Variants in WWC1 observed in about 807,000 individuals in gnomAD.
WWC1 encodes the protein WW and C2 domain containing 1.
In WWC1, 55 loss-of-function variants were observed where a neutral mutation model predicts 138.4. The ratio of observed to expected loss-of-function variants is 0.40; its 90% CI spans 0.32 to 0.50. The LOEUF is 0.50. Ranked by LOEUF, WWC1 falls within the 20% of genes least tolerant of loss-of-function variation. The probability of loss-of-function intolerance (pLI) is 0.72; values close to 1 mark genes in which losing one functional copy is unlikely to be tolerated. For missense variants in WWC1, 1,226 were observed against 1,420.4 expected (o/e 0.86, Z 2.20); for synonymous variants, 524 against 564.9 (o/e 0.93, Z 1.03).
chr5:168,365,540 A>G (rs1299854113), intron 1 of WWC1, among the ~76,000 whole-genome samples: 2 of 152,178 alleles, frequency 1.3e-5, no homozygotes, highest in Non-Finnish European at 2.9e-5. Context: ...TAGAAAAGGC[A>G]CATTGTCAGA....
At chr5:168,404,339 T>C (rs1283941928) in intron 5 of WWC1, among the ~76,000 whole-genome samples, 1 of 152,246 alleles carries the variant, frequency 6.6e-6, no homozygotes, top group African/African-American at 2.4e-5. Flanking sequence ...TCCCTTAGAC[T>C]AATTTTTCAG....
chr5:168,350,417 A>ATTTC (rs1477517621), intron 1 of WWC1, among the ~76,000 whole-genome samples: 1 of 152,216 alleles, frequency 6.6e-6, no homozygotes, highest in Non-Finnish European at 1.5e-5. Flanking sequence ...CAAAAGAGGC[A>ATTTC]GAAATGGGTG....
chr5:168,460,582 T>TA lies in WWC1; in HGVS notation c.2824-67dup. 3 of 1,523,612 alleles carry TA rather than the reference T, an allele frequency of 2.0e-6. No individual in the cohort carries two copies. The South Asian group carries it at 3.4e-5, about 17-fold the overall frequency. 94.4% of individuals were successfully genotyped at this position (1,523,612 alleles called of 1,614,324 possible). A position where few individuals can be genotyped will look rare whatever the true frequency, so the allele number is the denominator to read the frequency against. On this transcript the variant is annotated intron_variant, in intron 19 of 22. Coordinates refer to ENST00000265293, the MANE Select transcript of WWC1 (RefSeq NM_015238.3). ...CGAGTGGAGGAACCTGACCTCCCTC[T>TA]AGGCTTCAGTGCACCTTCCAGAATG...
intron 20 of WWC1, among the ~76,000 whole-genome samples, chr5:168,463,355 A>G (rs1756982967): frequency 6.6e-6 from 1 of 152,270 alleles, no homozygotes; most frequent in African/African-American, 2.4e-5. Context: ...TTATCTTGCT[A>G]GCTGTCAGCT....
intron 1 of WWC1, among the ~76,000 whole-genome samples, chr5:168,355,945 A>G (rs1394901442): frequency 6.6e-6 from 1 of 151,972 alleles, no homozygotes; most frequent in Non-Finnish European, 1.5e-5. Context: ...GGAGCCAGAG[A>G]GACGGAGAGA....
At chr5:168,462,854 G>A (rs986853575) in intron 20 of WWC1, among the ~76,000 whole-genome samples, 4 of 152,184 alleles carry the variant, frequency 2.6e-5, no homozygotes, top group Admixed American at 1.3e-4. Flanking sequence ...CTGGACAGAC[G>A]AAGCAAAAGA....
intron 5 of WWC1, 23 bp downstream of exon 5, chr5:168,399,590 A>T: frequency 6.2e-7 from 1 of 1,612,880 alleles, no homozygotes; most frequent in Admixed American, 1.7e-5. Context: ...TGCATCCCAG[A>T]GCATGGGGGC....
At chr5:168,458,332 G>A (rs1756511357) in intron 19 of WWC1, among the ~76,000 whole-genome samples, 1 of 152,178 alleles carries the variant, frequency 6.6e-6, no homozygotes, top group African/African-American at 2.4e-5. Flanking sequence ...TCCAAAGCCT[G>A]CAGCCTCTCT....
chr5:168,320,194 C>T (rs1043350405), intron 1 of WWC1, among the ~76,000 whole-genome samples: 1 of 152,150 alleles, frequency 6.6e-6, no homozygotes, highest in African/African-American at 2.4e-5. Flanking sequence ...GCCACCATGC[C>T]TGGCTAATTT....
rs766291901 is a variant in WWC1 at position 168,292,306 on chromosome 5, C to A, written c.119+35C>A. ...TGGAACCCTCCTCCGTGCCCCCACA[C>A]CCCCGCCTGGGCCCCCACCTGCCCC... On this transcript the variant is annotated intron_variant, in intron 1 of 22. Coordinates refer to ENST00000265293, the MANE Select transcript of WWC1 (RefSeq NM_015238.3). This position sits in a 1 kb window ranked among gnomAD's most constrained non-coding sequence, Gnocchi z 4.4. The A allele has an allele frequency of 1.6e-4, 245 of 1,554,270 alleles. 2 individuals carry two copies. The Middle Eastern group carries it at 2.9e-3, about 18-fold the overall frequency.
rs1757115883 is a variant in WWC1, at chr5:168,464,767, C to T, written c.2955C>T (p.Ile985=). Residue 985 remains isoleucine, a synonymous_variant, in exon 21 of 23, where the codon ATC becomes ATT. Coordinates refer to ENST00000265293, the MANE Select transcript of WWC1 (RefSeq NM_015238.3). ...SVKSLRSERL[I]RTSLDLELDL... is the part of the protein sequence containing the mutation. ...AGTCGCTGCGCTCCGAGCGTCTGAT[C>T]CGTACCTCGCTGGACCTGGAGTTAG... 1.9e-6 allele frequency: 3 copies of T among 1,614,088 alleles called. No homozygotes were observed. Among genetic ancestry groups the T allele is most frequent in the African/African-American group, 1.3e-5 (1 of 74,932 alleles).
intron 21 of WWC1, among the ~76,000 whole-genome samples, chr5:168,466,625 T>C (rs1310573350): frequency 6.6e-5 from 10 of 152,238 alleles, no homozygotes; most frequent in Non-Finnish European, 1.5e-4. Context: ...TTCTTTCTTA[T>C]TTATACCCTG....
intron 1 of WWC1, among the ~76,000 whole-genome samples, chr5:168,351,757 C>T (rs565332315): frequency 6.6e-6 from 1 of 152,302 alleles, no homozygotes; most frequent in East Asian, 1.9e-4. Flanking sequence ...AGAACAGCAA[C>T]CAGTCCTGTC....
chr5:168,448,051 G>A (rs1026838620), intron 17 of WWC1, among the ~76,000 whole-genome samples: 8 of 152,166 alleles, frequency 5.3e-5, no homozygotes, highest in Middle Eastern at 3.4e-3. Flanking sequence ...CCTAGCAACC[G>A]CCTTCTGTCC....
Position 168,371,400 on chromosome 5 carries a change from T to C in WWC1, c.120-24T>C, listed in dbSNP as rs201670868. 2.1e-4 allele frequency: 332 copies of C among 1,581,988 alleles called. 1 individual carries two copies. The African/African-American group carries it at 3.7e-3, about 18-fold the overall frequency. ...ATTTGGGGACTGTAGGCTGATGGAG[T>C]CTGTTTCTCCTCTCCCTTGCCAGGT... On this transcript the variant is annotated intron_variant, in intron 1 of 22. Coordinates refer to ENST00000265293, the MANE Select transcript of WWC1 (RefSeq NM_015238.3).
Position 168,408,510 on chromosome 5 carries a change from C to G in WWC1, c.724C>G (p.Leu242Val), listed in dbSNP as rs763634923. 8.1e-6 allele frequency: 13 copies of G among 1,614,060 alleles called. No homozygotes were observed. The highest frequency in any genetic ancestry group is 1.1e-5 in the Non-Finnish European group (13 of 1,179,946). The change falls in exon 7 of 23, where the codon CTT becomes GTT. Residue 242 changes from leucine to valine, a missense_variant. Transcript: ENST00000265293. The stretch of plus-strand genomic sequence containing the variant: ...ACCCTGCTCTCCCCTCCTTCAGAGC[C>G]TTGCCATGTTGAAGGACGGCTTCCG... ...EKEKQDLIKS[L>V]AMLKDGFRTD... is the part of the protein sequence containing the mutation.
At chr5:168,427,800 A>G (rs1781622131) in intron 11 of WWC1, among the ~76,000 whole-genome samples, 1 of 151,786 alleles carries the variant, frequency 6.6e-6, no homozygotes, top group Admixed American at 6.5e-5. Flanking sequence ...CAACAAAATA[A>G]TAATTCAAAA....
intron 8 of WWC1, chr5:168,411,957 G>T (rs1780261703): frequency 1.0e-6 from 1 of 982,858 alleles, no homozygotes. Flanking sequence ...AGAAGGAATT[G>T]AATACTGGTC....
Position 168,454,021 on chromosome 5 carries a change from A to T in WWC1, c.2579A>T (p.Glu860Val). ...GCAGTAGCCGAGGAAGAGGAGGAGG[A>T]GGTGGAGGAGGAGGAGGGAGAAGAG... ...NEAVAEEEEE[E>V]VEEEEGEEDV... Residue 860 changes from glutamate (E) to valine (V), a missense_variant, in exon 18 of 23, where the codon GAG (glutamate) becomes GTG (valine). Around this residue, in one of 3 missense-constraint regions of WWC1, gnomAD observed 1,016 missense variants for 1,153.9 expected, o/e 0.88. Transcript: ENST00000265293. 2 of 1,583,226 alleles carry T rather than the reference A, an allele frequency of 1.3e-6. No individual in the cohort carries two copies. The highest frequency in any genetic ancestry group is 1.8e-4 in the Middle Eastern group (1 of 5,654).
Sources: gnomAD v4.1 joint callset for allele counts (sites outside exome capture counted in the v4.1 genomes callset) on GRCh38, gnomAD v4.1.1 for gene constraint, gnomAD v4.1.1 regional missense constraint, Gnocchi (gnomAD v3.1) non-coding constraint, MANE v1.5 for transcripts, NCBI Gene and HGNC (gene_info 2026-07-23, HGNC 2026-07-21) for gene names.